Variants in TPO observed in about 807,000 individuals in gnomAD.
TPO encodes the protein thyroid microsomal antigen.
TPO carries 78 observed loss-of-function variants against 96.9 expected under a neutral mutation model. That is an observed-to-expected ratio of 0.81 (90% CI 0.67 to 0.97). The LOEUF (loss-of-function observed/expected upper bound fraction) is 0.97. Among genes scored for constraint, TPO ranks in the 50% least tolerant of loss-of-function variants. The pLI, the probability that TPO is intolerant of heterozygous loss-of-function variation, is 0.00. For synonymous variants in TPO, 547 were observed against 538.0 expected, an observed-to-expected ratio of 1.02 and a Z score of -0.23; for missense variants, 1,252 against 1,274.8, an observed-to-expected ratio of 0.98 and a Z score of 0.27.
intron 1 of TPO, among the ~76,000 whole-genome samples, chr2:1,388,128 G>A (rs953552996): frequency 6.6e-6 from 1 of 152,224 alleles, no homozygotes; most frequent in Non-Finnish European, 1.5e-5. Flanking sequence ...CTACTCGGGG[G>A]TGCCTCCCAG....
chr2:1,488,796 C>A (rs1002699561), intron 10 of TPO, among the ~76,000 whole-genome samples: 2 of 152,198 alleles, frequency 1.3e-5, no homozygotes, highest in Non-Finnish European at 2.9e-5. Flanking sequence ...CTTCCTCTGT[C>A]CCCTGGCCCT....
At position 1,398,307 on chromosome 2, in the gene TPO, C is replaced by T. The variant is rs148232085; in HGVS notation, n.180+23905C>T. On this transcript the variant is annotated intron_variant and non_coding_transcript_variant, in intron 1 of 5. Transcript: ENST00000497517. ...AGCCTGGGGCCCATCTCCTGACTGCCGCGCTGCCCACAAACTACTGTTGCC... is the reference window on the plus strand; with the variant it reads ...AGCCTGGGGCCCATCTCCTGACTGCTGCGCTGCCCACAAACTACTGTTGCC... Among the ~76,000 whole-genome samples the T allele has an allele frequency of 4.5e-3, 692 of 152,302 alleles. 4 individuals are homozygous for T. Among genetic ancestry groups the T allele is most frequent in the African/African-American group, 0.016 (659 of 41,566 alleles).
At chr2:1,434,329 TTCTAACTAGCTATAGA>T (rs1236475216) in intron 4 of TPO, among the ~76,000 whole-genome samples, 1 of 152,214 alleles carries the variant, frequency 6.6e-6, no homozygotes, top group African/African-American at 2.4e-5. Flanking sequence ...GAGTTCTTCC[TTCTAACTAGCTATAGA>T]TCAATTTGGT....
At chr2:1,487,796 T>G in intron 9 of TPO, 25 bp from the exon 10 acceptor site, 1 of 1,614,164 alleles carries the variant, frequency 6.2e-7, no homozygotes, top group Non-Finnish European at 8.5e-7. Context: ...AGAGCTGTCC[T>G]TGCCTTGTGC....
At chr2:1,520,923 C>G (rs973354005) in intron 15 of TPO, among the ~76,000 whole-genome samples, 3 of 152,172 alleles carry the variant, frequency 2.0e-5, no homozygotes, top group African/African-American at 7.2e-5. Context: ...TCTGTTGATT[C>G]TTACTGTCCA....
rs1663947668 is a variant in TPO, at chr2:1,423,093, GC to G, written c.145del (p.Leu49TrpfsTer38). The G allele has an allele frequency of 1.2e-6, 2 of 1,613,984 alleles. No homozygotes were observed. Among genetic ancestry groups the G allele is most frequent in the Non-Finnish European group, 1.7e-6 (2 of 1,180,056 alleles). ...RVSSVLEESK[R>X]LVDTAMYATM... ...TCTAGCGTCTTGGAGGAAAGCAAGC[GC>G]CTGGTGGACACCGCCATGTACGCCA... On this transcript the variant is annotated frameshift_variant, in exon 3 of 17. Transcript: ENST00000329066. LOFTEE classifies it high-confidence loss of function.
chr2:1,524,861 C>A (rs1676061143), intron 15 of TPO, among the ~76,000 whole-genome samples: 2 of 140,156 alleles, frequency 1.4e-5, no homozygotes. Context: ...CCAAATCCCC[C>A]CACTGTGATG....
intron 15 of TPO, among the ~76,000 whole-genome samples, chr2:1,538,277 G>A (rs1680311586): frequency 6.6e-6 from 1 of 152,100 alleles, no homozygotes. Flanking sequence ...TCATCTTAAG[G>A]TGGTGCTCCG....
chr2:1,416,632 G>C (rs1394440160), intron 2 of TPO, among the ~76,000 whole-genome samples: 1 of 152,182 alleles, frequency 6.6e-6, no homozygotes, highest in Non-Finnish European at 1.5e-5. Flanking sequence ...CCGCGTGCTG[G>C]GCACATGCTT....
At chr2:1,422,395 G>GACCGACCTCGTGCA (rs1163151839) in intron 2 of TPO, among the ~76,000 whole-genome samples, 7 of 151,530 alleles carry the variant, frequency 4.6e-5, no homozygotes, top group African/African-American at 9.7e-5. Context: ...CGCCGCGCTG[G>GACCGACCTCGTGCA]GCCATGGGGA....
At chr2:1,542,122 A>G in intron 16 of TPO, 1 of 521,618 alleles carries the variant, frequency 1.9e-6, no homozygotes, top group Non-Finnish European at 3.4e-6. Flanking sequence ...CTGTGGTCGC[A>G]GGGACCTGTG....
At chr2:1,385,097 T>C (rs1661869749) in intron 1 of TPO, among the ~76,000 whole-genome samples, 1 of 152,250 alleles carries the variant, frequency 6.6e-6, no homozygotes. Flanking sequence ...GATGTGCTGC[T>C]GGATTCAGTT....
intron 14 of TPO, among the ~76,000 whole-genome samples, chr2:1,511,983 TG>T (rs1473154804): frequency 6.6e-6 from 1 of 152,230 alleles, no homozygotes; most frequent in African/African-American, 2.4e-5. Flanking sequence ...TCAAACGTCT[TG>T]TTTTAGTTTT....
intron 4 of TPO, among the ~76,000 whole-genome samples, chr2:1,434,549 C>T (rs559046745): frequency 9.9e-4 from 151 of 152,300 alleles, no homozygotes; most frequent in African/African-American, 2.1e-3. Context: ...TGTCCTGTTA[C>T]GGGACACTGT....
At chr2:1,378,590 G>C (rs1176041161) in intron 1 of TPO, among the ~76,000 whole-genome samples, 2 of 152,230 alleles carry the variant, frequency 1.3e-5, no homozygotes, top group Admixed American at 1.3e-4. Context: ...ATCTCTCCAG[G>C]GTTGCCCAGG....
chr2:1,540,463 A>G, intron 15 of TPO, 131 bp from the exon 16 acceptor site: 1 of 1,588,746 alleles, frequency 6.3e-7, no homozygotes, highest in Non-Finnish European at 8.5e-7. Flanking sequence ...GAAGTGTGAA[A>G]TGAAAGTGGG....
intron 10 of TPO, among the ~76,000 whole-genome samples, chr2:1,488,703 C>T (rs1671409126): frequency 6.6e-6 from 1 of 152,196 alleles, no homozygotes; most frequent in African/African-American, 2.4e-5. Flanking sequence ...ACCCTGGGAG[C>T]TTGGGAGGTG....
chr2:1,472,673 G>A (rs1036324576), intron 7 of TPO, among the ~76,000 whole-genome samples: 1 of 152,030 alleles, frequency 6.6e-6, no homozygotes, highest in Non-Finnish European at 1.5e-5. Flanking sequence ...ACACTGCCAG[G>A]TTGGAAGGCA....
Position 1,496,603 on chromosome 2 carries a change from T to C in TPO, c.2224T>C (p.Cys742Arg). The change falls in exon 13 of 17, where the codon TGT becomes CGT. Residue 742 changes from cysteine (C) to arginine (R), a missense_variant. Cys to Arg is a radical substitution (Grantham distance 180). Transcript: ENST00000329066. Reference sequence around the variant, plus strand: ...CTGTCCACATTTCATAGACGACAAGTGTGGCTTCCCAGAGAGCGTGGAGAA... The same window carrying C: ...CTGTCCACATTTCATAGACGACAAGCGTGGCTTCCCAGAGAGCGTGGAGAA... ...WRETFPQDDKCGFPESVENGD... is the reference protein window; with the variant it reads ...WRETFPQDDKRGFPESVENGD... The C allele has an allele frequency of 4.3e-6, 7 of 1,613,946 alleles. No homozygotes were observed. The highest frequency in any genetic ancestry group is 5.9e-6 in the Non-Finnish European group (7 of 1,180,024).
Sources: allele counts gnomAD v4.1 joint callset (sites outside exome capture counted in the v4.1 genomes callset), GRCh38; gene constraint gnomAD v4.1.1; transcripts MANE v1.5; gene names NCBI Gene and HGNC (gene_info 2026-07-23, HGNC 2026-07-21).